PCLO: variants seen among roughly 807,000 people sequenced by gnomAD.
PCLO encodes the protein protein piccolo.
PCLO carries 82 observed loss-of-function variants against 427.5 expected under a neutral mutation model. The observed-to-expected ratio is 0.19, with a 90% CI of 0.16 to 0.23. The LOEUF (loss-of-function observed/expected upper bound fraction) is 0.23. PCLO is among the 10% of genes least tolerant of loss of function. The pLI is 1.00. For synonymous variants in PCLO, 2,357 were observed against 2,155.4 expected (o/e 1.09, Z -2.59); for missense variants, 6,239 against 6,115.9 (o/e 1.02, Z -0.67).
chr7:83,096,412 T>C (rs1043361574), intron 3 of PCLO, among the ~76,000 whole-genome samples: 19 of 152,104 alleles, frequency 1.2e-4, no homozygotes, highest in African/African-American at 4.3e-4. Context: ...AAATTACTTG[T>C]ACAAGTTATT....
intron 6 of PCLO, among the ~76,000 whole-genome samples, chr7:82,917,739 A>C (rs1794500423): frequency 6.6e-6 from 1 of 151,940 alleles, no homozygotes; most frequent in East Asian, 1.9e-4. Context: ...CAGTTGCATA[A>C]TCTTTACAAG....
In PCLO at chr7:82,956,729, A is replaced by C. The variant is rs763454365; in HGVS notation, c.4224T>G (p.Asp1408Glu). 2 of 1,613,816 alleles carry C rather than the reference A, an allele frequency of 1.2e-6. No individual in the cohort carries two copies. The highest frequency in any genetic ancestry group is 2.2e-5 in the South Asian group (2 of 91,076). The change falls in exon 5 of 25, where the codon GAT becomes GAG. Residue 1408 changes from aspartate to glutamate, a missense_variant. This residue lies in a region of PCLO where 4,677 missense variants were observed against 4,468.4 expected (regional missense o/e 1.05). Coordinates refer to ENST00000333891, the MANE Select transcript of PCLO (RefSeq NM_033026.6). ...GGACTGTACTTTCTAACTTAGCCAA[A>C]TCTGAGGGGCTGGAAGGGCTGCTTT... ...SQESSPSSPS[D>E]LAKLESTVLS...
intron 3 of PCLO, among the ~76,000 whole-genome samples, chr7:83,072,616 C>T (rs1196936587): frequency 6.6e-6 from 1 of 151,986 alleles, no homozygotes; most frequent in Non-Finnish European, 1.5e-5. Context: ...CCTCATTTTT[C>T]TGGGAGTCAC....
At chr7:83,124,911 C>T (rs185935750) in intron 3 of PCLO, among the ~76,000 whole-genome samples, 2 of 152,152 alleles carry the variant, frequency 1.3e-5, no homozygotes, top group Non-Finnish European at 2.9e-5. Flanking sequence ...CACGCCGCCA[C>T]GCCTGACTGG....
At chr7:83,142,474 C>A (rs1791885737) in intron 2 of PCLO, among the ~76,000 whole-genome samples, 1 of 152,150 alleles carries the variant, frequency 6.6e-6, no homozygotes, top group South Asian at 2.1e-4. Context: ...AAATGCTATC[C>A]ATCTTTTACA....
In PCLO at chr7:83,050,208, G is replaced by GAAAAAAAAAAAAAAAA. The variant is rs556193471; in HGVS notation, c.3301-83737_3301-83722dup. Reference sequence around the variant, plus strand: ...TGAACTATTCCTCATCTGAAAAACTGAAAAAAAAAAAAAAAAAAAAAAAAA... The same window carrying GAAAAAAAAAAAAAAAA: ...TGAACTATTCCTCATCTGAAAAACTGAAAAAAAAAAAAAAAAAAAAAAAAAAAAAAAAAAAAAAAAA... On this transcript the variant is annotated intron_variant, in intron 3 of 24. Transcript: ENST00000333891. Among the ~76,000 whole-genome samples, 4 of 5,458 alleles carry GAAAAAAAAAAAAAAAA rather than the reference G, an allele frequency of 7.3e-4. 1 individual carries two copies. Among genetic ancestry groups the GAAAAAAAAAAAAAAAA allele is most frequent in the Non-Finnish European group, 1.4e-3 (4 of 2,792 alleles). The allele number at this position is 5,458 out of a possible 152,430, so 3.6% of individuals were successfully genotyped here.
chr7:83,122,822 G>C (rs1402586844), intron 3 of PCLO, among the ~76,000 whole-genome samples: 1 of 152,112 alleles, frequency 6.6e-6, no homozygotes, highest in African/African-American at 2.4e-5. Context: ...ACAAAAACCA[G>C]TAGCATTTCT....
At chr7:83,041,087 ATT>A (rs1197239621) in intron 3 of PCLO, among the ~76,000 whole-genome samples, 2 of 152,200 alleles carry the variant, frequency 1.3e-5, no homozygotes, top group East Asian at 3.8e-4. Context: ...GGAGTTTATC[ATT>A]GTTTCTTTTA....
At chr7:83,056,476 T>C (rs1321685937) in intron 3 of PCLO, among the ~76,000 whole-genome samples, 1 of 152,186 alleles carries the variant, frequency 6.6e-6, no homozygotes, top group African/African-American at 2.4e-5. Flanking sequence ...TTAGTCAATA[T>C]CCACGTCGAA....
chr7:83,155,654 T>C lies in PCLO; in HGVS notation c.987A>G (p.Ala329=). The C allele has an allele frequency of 6.2e-7, 1 of 1,613,958 alleles. No homozygotes were observed. Among genetic ancestry groups the C allele is most frequent in the South Asian group, 1.1e-5 (1 of 91,084 alleles). ...PGHEKSQPGP[A]KPPAQPSGLT... ...GCCCTGAGGGCTGAGCTGGGGGCTT[T>C]GCAGGCCCAGGCTGTGATTTTTCAT... is the stretch of plus-strand genomic sequence containing the variant. The change falls in exon 2 of 25, where the codon GCA becomes GCG. Residue 329 remains alanine (A), a synonymous_variant. Coordinates refer to ENST00000333891, the MANE Select transcript of PCLO (RefSeq NM_033026.6).
intron 22 of PCLO, among the ~76,000 whole-genome samples, chr7:82,789,563 G>A (rs1791057224): frequency 6.6e-6 from 1 of 152,052 alleles, no homozygotes; most frequent in African/African-American, 2.4e-5. Flanking sequence ...AAAGTTAACT[G>A]GGCGTGGTGG....
At chr7:83,002,505 C>G (rs1787848390) in intron 3 of PCLO, among the ~76,000 whole-genome samples, 1 of 151,844 alleles carries the variant, frequency 6.6e-6, no homozygotes. Context: ...TAAAATCATA[C>G]TTCAATTTAT....
chr7:82,758,599 C>T lies in PCLO; in HGVS notation c.15405G>A (p.Leu5135=). The T allele has an allele frequency of 6.2e-7, 1 of 1,611,506 alleles. No homozygotes were observed. The highest frequency in any genetic ancestry group is 2.2e-5 in the East Asian group (1 of 44,804). Residue 5135 remains leucine (L), a synonymous_variant, in exon 25 of 25, where the codon TTG becomes TTA. Coordinates refer to ENST00000333891, the MANE Select transcript of PCLO (RefSeq NM_033026.6). ...RKRIVNWHKL[L]VSPTQTH ...TTCAATGCGTTTGAGTAGGACTGAC[C>T]AAAAGTTTGTGCCAGTTGACTATTC...
Position 82,951,238 on chromosome 7 carries a change from T to A in PCLO, c.9350A>T (p.Asp3117Val), listed in dbSNP as rs1436179323. The change falls in exon 6 of 25, where the codon GAT (aspartate) becomes GTT (valine). Residue 3117 changes from aspartate (D) to valine (V), a missense_variant. By Grantham distance (152) the Asp-to-Val change is radical. This residue lies in a region of PCLO where 4,677 missense variants were observed against 4,468.4 expected (regional missense o/e 1.05). Transcript: ENST00000333891. ...ATCAGCCGTATGAATACCAGACAAA[T>A]CCCTCACTGTGGTGCTGAAAATGGA... is the stretch of plus-strand genomic sequence containing the variant. ...PGSIFSTTVR[D>V]LSGIHTADAV... 9 of 1,613,600 alleles carry A rather than the reference T, an allele frequency of 5.6e-6. No homozygotes were observed. The highest frequency in any genetic ancestry group is 7.6e-6 in the Non-Finnish European group (9 of 1,179,740).
At chr7:83,042,582 T>C (rs1243137577) in intron 3 of PCLO, among the ~76,000 whole-genome samples, 1 of 152,052 alleles carries the variant, frequency 6.6e-6, no homozygotes, top group Non-Finnish European at 1.5e-5. Context: ...ATAAGGGGAC[T>C]GGGCACGGTG....
At position 82,761,532 on chromosome 7, in the gene PCLO, G is replaced by A. The variant is rs773975290; in HGVS notation, c.15008-39C>T. ...ATAAAAATGCAAAGAAGTATGTAATGCCATATATGAAATGTTTAGTTCAGT... is the reference window on the plus strand; with the variant it reads ...ATAAAAATGCAAAGAAGTATGTAATACCATATATGAAATGTTTAGTTCAGT... On this transcript the variant is annotated intron_variant, in intron 22 of 24. Coordinates refer to ENST00000333891, the MANE Select transcript of PCLO (RefSeq NM_033026.6). The A allele has an allele frequency of 1.2e-5, 18 of 1,467,022 alleles. No homozygotes were observed. In the Admixed American group the frequency reaches 1.4e-4, roughly 12 times the overall value. 90.9% of individuals were successfully genotyped at this position (1,467,022 alleles called of 1,614,324 possible).
chr7:82,764,923 G>T (rs981900785), intron 22 of PCLO, among the ~76,000 whole-genome samples: 1 of 151,848 alleles, frequency 6.6e-6, no homozygotes, highest in Non-Finnish European at 1.5e-5. Flanking sequence ...CAATAAAGTA[G>T]ATCTCACGGA....
chr7:83,113,999 T>C (rs1381740478), intron 3 of PCLO, among the ~76,000 whole-genome samples: 1 of 152,160 alleles, frequency 6.6e-6, no homozygotes, highest in Admixed American at 6.5e-5. Context: ...GATACATATT[T>C]GTACTTAAGA....
chr7:82,843,665 A>ATTTT (rs71522631), intron 13 of PCLO, among the ~76,000 whole-genome samples: 1 of 135,804 alleles, frequency 7.4e-6, no homozygotes, highest in Non-Finnish European at 1.6e-5. Context: ...CAACGTATTC[A>ATTTT]TTTTTTTTTT....
Sources: gnomAD v4.1 joint callset for allele counts (sites outside exome capture counted in the v4.1 genomes callset) on GRCh38, gnomAD v4.1.1 for gene constraint, gnomAD v4.1.1 regional missense constraint, MANE v1.5 for transcripts, NCBI Gene and HGNC (gene_info 2026-07-23, HGNC 2026-07-21) for gene names.